Variants in PHF21A observed in about 807,000 individuals in gnomAD.
PHF21A encodes the protein BHC80a.
A neutral mutation model predicts 82.5 loss-of-function variants in PHF21A; 11 were observed. The observed-to-expected ratio is 0.13, with a 90% CI of 0.08 to 0.22. PHF21A has a LOEUF of 0.22. Among genes scored for constraint, PHF21A ranks in the 10% least tolerant of loss-of-function variants. The pLI is 1.00. For missense variants in PHF21A, 579 were observed against 837.8 expected (o/e 0.69, Z 3.81); for synonymous variants, 297 against 302.8 (o/e 0.98, Z 0.20).
intron 6 of PHF21A, among the ~76,000 whole-genome samples, chr11:45,983,505 A>T (rs548107887): frequency 1.1e-4 from 16 of 151,368 alleles, no homozygotes; most frequent in South Asian, 6.3e-4. Flanking sequence ...AAAAAAAAAA[A>T]TTTTTAAATC....
intron 6 of PHF21A, among the ~76,000 whole-genome samples, chr11:46,034,775 G>C (rs2095955771): frequency 6.6e-6 from 1 of 152,118 alleles, no homozygotes; most frequent in African/African-American, 2.4e-5. Context: ...ATATGTGTAA[G>C]AAGTCTTACA....
At chr11:46,006,752 G>C (rs561287820) in intron 6 of PHF21A, among the ~76,000 whole-genome samples, 1 of 152,324 alleles carries the variant, frequency 6.6e-6, no homozygotes, top group East Asian at 1.9e-4. Flanking sequence ...ACGCCTATTA[G>C]AATGTGATAT....
In PHF21A at chr11:45,975,377, T is replaced by TAAAATAAAATAAAATAAAATAAAAC. The variant is rs748967157; in HGVS notation, c.361-4011_361-4010insGTTTTATTTTATTTTATTTTATTTT. Among the ~76,000 whole-genome samples the TAAAATAAAATAAAATAAAATAAAAC allele has an allele frequency of 1.9e-3, 248 of 130,548 alleles. 2 individuals are homozygous for TAAAATAAAATAAAATAAAATAAAAC. Among genetic ancestry groups the TAAAATAAAATAAAATAAAATAAAAC allele is most frequent in the African/African-American group, 6.7e-3 (243 of 36,018 alleles). The allele number at this position is 130,548 out of a possible 152,430, so 85.6% of individuals were successfully genotyped here. On this transcript the variant is annotated intron_variant, in intron 7 of 18. Coordinates refer to ENST00000676320, the MANE Select transcript of PHF21A (RefSeq NM_001352027.3). ...TAAAATAAAATAAAATAAAATAAAA[T>TAAAATAAAATAAAATAAAATAAAAC]AAAACAAAACAAAATAAAATAAAAC...
intron 3 of PHF21A, among the ~76,000 whole-genome samples, chr11:46,087,243 T>C (rs963546612): frequency 6.6e-6 from 1 of 152,176 alleles, no homozygotes; most frequent in African/African-American, 2.4e-5. Context: ...CATTATACTA[T>C]CAAACAAAAT....
intron 6 of PHF21A, among the ~76,000 whole-genome samples, chr11:46,009,363 C>T (rs1162190269): frequency 6.6e-6 from 1 of 152,106 alleles, no homozygotes; most frequent in Non-Finnish European, 1.5e-5. Context: ...AACCATCTAC[C>T]TTTGAGGGTT....
At chr11:45,963,438 A>AG (rs1215414770) in intron 10 of PHF21A, among the ~76,000 whole-genome samples, 5 of 146,680 alleles carry the variant, frequency 3.4e-5, no homozygotes, top group Non-Finnish European at 7.5e-5. Context: ...AAAAAAAAAA[A>AG]GAAAAGAAAA....
At chr11:46,117,555 C>T (rs1439188222) in intron 1 of PHF21A, among the ~76,000 whole-genome samples, 1 of 151,986 alleles carries the variant, frequency 6.6e-6, no homozygotes, top group African/African-American at 2.4e-5. Flanking sequence ...TCTGTAAATC[C>T]GAGGGGAAAA....
chr11:46,051,255 T>C (rs901096760), intron 6 of PHF21A, among the ~76,000 whole-genome samples: 2 of 152,166 alleles, frequency 1.3e-5, no homozygotes, highest in East Asian at 1.9e-4. Flanking sequence ...AAATAGTCAA[T>C]TGCAAATTGA....
intron 15 of PHF21A, among the ~76,000 whole-genome samples, chr11:45,938,665 A>T (rs115283071): frequency 1.9e-3 from 286 of 152,362 alleles, no homozygotes; most frequent in African/African-American, 6.3e-3. Flanking sequence ...GATTAACAAC[A>T]GTGACTAAGA....
chr11:45,954,125 T>C (rs1394432721), intron 10 of PHF21A, among the ~76,000 whole-genome samples: 1 of 152,160 alleles, frequency 6.6e-6, no homozygotes, highest in East Asian at 1.9e-4. Flanking sequence ...GCCTCCCTAG[T>C]ACCTGGGATT....
In PHF21A at chr11:46,085,866, A is replaced by G. The variant is rs548143525; in HGVS notation, c.-83-1564T>C. On this transcript the variant is annotated intron_variant, in intron 3 of 18. Transcript: ENST00000676320. ...TATTTGCTTATTCTCATTAGGCATAAAACATCAGCAGAAATCTCTCTCTCA... is the reference window on the plus strand; with the variant it reads ...TATTTGCTTATTCTCATTAGGCATAGAACATCAGCAGAAATCTCTCTCTCA... Among the ~76,000 whole-genome samples, 34 of 152,254 alleles carry G rather than the reference A, an allele frequency of 2.2e-4. 1 individual carries two copies. In the South Asian group the frequency reaches 4.8e-3, roughly 21 times the overall value.
chr11:46,106,739 G>A (rs2097156325), intron 1 of PHF21A, among the ~76,000 whole-genome samples: 1 of 152,210 alleles, frequency 6.6e-6, no homozygotes, highest in African/African-American at 2.4e-5. Context: ...AAGCTATCCT[G>A]CGTTCTATAA....
At chr11:45,949,928 C>T (rs1024410041) in intron 12 of PHF21A, among the ~76,000 whole-genome samples, 33 of 152,192 alleles carry the variant, frequency 2.2e-4, no homozygotes, top group African/African-American at 7.5e-4. Flanking sequence ...GAGCACTTCG[C>T]TGTGCTGTTC....
rs1470890128 is a variant in PHF21A at position 45,935,211 on chromosome 11, G to T, written c.1788+425C>A. The T allele has an allele frequency of 2.3e-6, 3 of 1,292,212 alleles. No homozygotes were observed. The South Asian group carries it at 3.7e-5, about 16-fold the overall frequency. The allele number at this position is 1,292,212 out of a possible 1,614,324, so 80.0% of individuals were successfully genotyped here. A position where few individuals can be genotyped will look rare whatever the true frequency, so the allele number is the denominator to read the frequency against. ...AGCATGGTGTGGAAGAAAGAGCGAG[G>T]GAGGGCCGTACGGATGGGCCCACTC... On this transcript the variant is annotated intron_variant, in intron 18 of 18. Coordinates refer to ENST00000676320, the MANE Select transcript of PHF21A (RefSeq NM_001352027.3).
At chr11:46,033,997 T>C (rs1242856673) in intron 6 of PHF21A, among the ~76,000 whole-genome samples, 2 of 152,160 alleles carry the variant, frequency 1.3e-5, no homozygotes, top group East Asian at 1.9e-4. Context: ...GTGTATAAGG[T>C]TTCTTGCTGC....
chr11:45,949,023 G>T, intron 13 of PHF21A, 77 bp from the exon 14 acceptor site: 4 of 1,126,376 alleles, frequency 3.6e-6, no homozygotes, highest in Non-Finnish European at 5.4e-6. Context: ...TAAAGACCAA[G>T]CATGGCATGA....
At chr11:46,116,443 G>C (rs2097290564) in intron 1 of PHF21A, 1 of 152,034 alleles carries the variant, frequency 6.6e-6, no homozygotes, top group Admixed American at 6.6e-5. Context: ...GTCTATAGAA[G>C]AATCAGGGAA....
intron 1 of PHF21A, among the ~76,000 whole-genome samples, chr11:46,099,712 T>C (rs1370087990): frequency 1.3e-5 from 2 of 152,220 alleles, no homozygotes; most frequent in African/African-American, 4.8e-5. Flanking sequence ...CAAATCCACA[T>C]TTCAAGCACT....
chr11:45,937,476 T>C (rs1425940609), intron 16 of PHF21A, among the ~76,000 whole-genome samples: 1 of 152,176 alleles, frequency 6.6e-6, no homozygotes, highest in Non-Finnish European at 1.5e-5. Context: ...GGGTGTTGTT[T>C]TATTATTAGT....
Sources: allele counts gnomAD v4.1 joint callset (sites outside exome capture counted in the v4.1 genomes callset), GRCh38; gene constraint gnomAD v4.1.1; transcripts MANE v1.5; gene names NCBI Gene and HGNC (gene_info 2026-07-23, HGNC 2026-07-21).